Variants in MAT2A observed in about 807,000 individuals in gnomAD.
The protein encoded by MAT2A is S-adenosylmethionine synthase isoform type-2.
Under a neutral mutation model 43.9 loss-of-function variants are expected in MAT2A, and 3 were observed. The observed-to-expected ratio is 0.07, with a 90% CI of 0.03 to 0.18. The LOEUF (loss-of-function observed/expected upper bound fraction) is 0.18, where lower values mean the gene tolerates loss of function less well. Ranked by LOEUF, MAT2A falls within the 10% of genes least tolerant of loss-of-function variation. The probability of loss-of-function intolerance (pLI) is 1.00; values close to 1 mark genes in which losing one functional copy is unlikely to be tolerated. For synonymous variants in MAT2A, 200 were observed against 168.4 expected, an observed-to-expected ratio of 1.19 and a Z score of -1.45; for missense variants, 204 against 489.0, an observed-to-expected ratio of 0.42 and a Z score of 5.50.
rs1691577588 is a variant in MAT2A, at chr2:85,544,788, G to A, written c.*1016G>A. 6.6e-6 allele frequency: 1 copy of A among 152,622 alleles called. No individual in the cohort carries two copies. The highest frequency in any genetic ancestry group is 2.1e-4 in the South Asian group (1 of 4,830). 9.5% of individuals were successfully genotyped at this position (152,622 alleles called of 1,614,324 possible). On this transcript the variant is annotated 3_prime_UTR_variant, in exon 9 of 9. Coordinates refer to ENST00000306434, the MANE Select transcript of MAT2A (RefSeq NM_005911.6). ...TTTCTGAACAGCTGGTGTAGCTACA[G>A]AGAAACCAGCTTCCTTCAGAGAGCA...
At chr2:85,541,485 A>G (rs1437897727) in intron 3 of MAT2A, 108 bp downstream of exon 3, 1 of 1,397,156 alleles carries the variant, frequency 7.2e-7, no homozygotes, top group East Asian at 2.3e-5. Flanking sequence ...ATCTTACTAT[A>G]CACTAAGCCC....
In MAT2A at chr2:85,539,228, C is replaced by A. The variant is rs1380891984; in HGVS notation, c.-60C>A. ...CGCTGTCCGCAGCTTGCGCATTTCG[C>A]AGCCGCTGCCGCCTCGCCGCTGCTC... On this transcript the variant is annotated 5_prime_UTR_variant, in exon 1 of 9. Coordinates refer to ENST00000306434, the MANE Select transcript of MAT2A (RefSeq NM_005911.6). 4.7e-6 allele frequency: 6 copies of A among 1,268,588 alleles called. No homozygotes were observed. The African/African-American group carries it at 6.1e-5, about 13-fold the overall frequency. The allele number at this position is 1,268,588 out of a possible 1,614,324, so 78.6% of individuals were successfully genotyped here.
At chr2:85,541,419 C>CTG in intron 3 of MAT2A, 42 bp downstream of exon 3, 1 of 1,599,492 alleles carries the variant, frequency 6.3e-7, no homozygotes, top group Non-Finnish European at 8.5e-7. Flanking sequence ...TAGGTAACAG[C>CTG]TGTGAGGTTT....
At chr2:85,541,553 G>C (rs950387832) in intron 3 of MAT2A, 80 bp from the exon 4 acceptor site, 5 of 1,325,330 alleles carry the variant, frequency 3.8e-6, no homozygotes, top group Non-Finnish European at 4.2e-6. Flanking sequence ...TTCTTCAGCA[G>C]TGTTTAGAAT....
intron 8 of MAT2A, 24 bp downstream of exon 8, chr2:85,543,058 T>A (rs1472827586): frequency 6.2e-7 from 1 of 1,608,800 alleles, no homozygotes; most frequent in East Asian, 2.2e-5. Context: ...AGCCTGTTGC[T>A]AGTCAAGTAT....
rs1691515345 is a variant in MAT2A at position 85,542,896 on chromosome 2, T to C, written c.952-5T>C. ...CTGATTCTTACGACATTTGAATCCT[T>C]TTAGGTCTCTTATGCTATTGGAGTT... On this transcript the variant is annotated splice_polypyrimidine_tract_variant and splice_region_variant and intron_variant, in intron 7 of 8. Transcript: ENST00000306434. The C allele has an allele frequency of 1.2e-6, 2 of 1,611,562 alleles. No individual in the cohort carries two copies. The highest frequency in any genetic ancestry group is 1.3e-5 in the African/African-American group (1 of 74,856).
chr2:85,539,341 C>A lies in MAT2A; in HGVS notation c.54C>A (p.Phe18Leu). 1 of 1,606,588 alleles carries A rather than the reference C, an allele frequency of 6.2e-7. No individual in the cohort carries two copies. Among genetic ancestry groups the A allele is most frequent in the Non-Finnish European group, 8.5e-7 (1 of 1,177,068 alleles). The change falls in exon 1 of 9, where the codon TTC becomes TTA. Residue 18 changes from phenylalanine to leucine, a missense_variant. Phe to Leu is a conservative substitution (Grantham distance 22, BLOSUM62 0). Around this residue, in one of 6 missense-constraint regions of MAT2A, gnomAD observed 36 missense variants for 24.2 expected, o/e 1.49. Coordinates refer to ENST00000306434, the MANE Select transcript of MAT2A (RefSeq NM_005911.6). ...AGGCGTTCATCGAGGAGGGCACATT[C>A]CTTTTCACCTCAGAGTCGGTCGGGG... Reference protein sequence around the residue: ...FHEAFIEEGTFLFTSESVGEG... With the variant: ...FHEAFIEEGTLLFTSESVGEG...
chr2:85,542,834 C>G, intron 7 of MAT2A, 67 bp from the exon 8 acceptor site: 2 of 1,570,684 alleles, frequency 1.3e-6, no homozygotes, highest in African/African-American at 1.4e-5. Flanking sequence ...TTGTTTTATA[C>G]CAACGTATTA....
chr2:85,543,263 AT>A (rs1691524738), intron 8 of MAT2A: 2 of 502,932 alleles, frequency 4.0e-6, no homozygotes, highest in Non-Finnish European at 7.2e-6. Context: ...AATGTTCCAG[AT>A]TTGATATTTG....
chr2:85,539,498 A>C, intron 1 of MAT2A, 120 bp downstream of exon 1: 2 of 688,156 alleles, frequency 2.9e-6, no homozygotes, highest in Non-Finnish European at 4.5e-6. Context: ...CGGGTGATGG[A>C]AGAGCGGCGA....
chr2:85,539,685 C>T (rs1294729283), intron 1 of MAT2A: 3 of 238,824 alleles, frequency 1.3e-5, no homozygotes, highest in East Asian at 2.2e-4. Context: ...GAGTTCTGGC[C>T]GGGAAGGGAG....
intron 8 of MAT2A, chr2:85,543,458 G>A (rs1691530240): frequency 3.2e-5 from 15 of 465,774 alleles, no homozygotes; most frequent in Admixed American, 1.2e-4. Context: ...TTTCGTATTT[G>A]TTGAGCCAGG....
chr2:85,539,946 C>G (rs1264353480), intron 1 of MAT2A: 1 of 152,842 alleles, frequency 6.5e-6, no homozygotes, highest in Non-Finnish European at 1.5e-5. Flanking sequence ...TAGGTCTTGA[C>G]TACACACTGG....
chr2:85,541,460 C>G, intron 3 of MAT2A, 83 bp downstream of exon 3: 1 of 1,517,754 alleles, frequency 6.6e-7, no homozygotes, highest in Non-Finnish European at 9.0e-7. Context: ...CCTGCTAATC[C>G]TAAACTCCAG....
chr2:85,543,175 T>G (rs1691522296), intron 8 of MAT2A, 141 bp downstream of exon 8: 1 of 970,330 alleles, frequency 1.0e-6, no homozygotes, highest in African/African-American at 1.6e-5. Flanking sequence ...AGTTTTGAAC[T>G]GCTGCCTTAG....
intron 1 of MAT2A, 99 bp from the exon 2 acceptor site, chr2:85,540,984 C>A: frequency 3.9e-6 from 3 of 765,048 alleles, no homozygotes; most frequent in Non-Finnish European, 4.4e-6. Context: ...TTAAAATCTC[C>A]AAAGATTTTA....
intron 1 of MAT2A, 159 bp downstream of exon 1, chr2:85,539,537 G>A (rs911239584): frequency 1.4e-5 from 7 of 507,540 alleles, no homozygotes; most frequent in Admixed American, 4.4e-5. Flanking sequence ...GCGCCGCCAG[G>A]GCCTGGCGCG....
At chr2:85,540,273 T>C (rs1016913344) in intron 1 of MAT2A, among the ~76,000 whole-genome samples, 3 of 152,234 alleles carry the variant, frequency 2.0e-5, no homozygotes, top group Admixed American at 2.0e-4. Flanking sequence ...TTGGCTCTTT[T>C]GGCTGTTTCT....
intron 1 of MAT2A, 102 bp from the exon 2 acceptor site, chr2:85,540,981 C>T (rs1431770643): frequency 5.3e-6 from 4 of 748,498 alleles, no homozygotes; most frequent in Admixed American, 5.1e-5. Flanking sequence ...TTTTTAAAAT[C>T]TCCAAAGATT....
Sources: allele counts gnomAD v4.1 joint callset (sites outside exome capture counted in the v4.1 genomes callset), GRCh38; gene constraint gnomAD v4.1.1; regional missense constraint gnomAD v4.1.1; transcripts MANE v1.5; gene names NCBI Gene and HGNC (gene_info 2026-07-23, HGNC 2026-07-21).